Variants in ACTL6A observed in about 807,000 individuals in gnomAD.
ACTL6A encodes the protein actin-like protein 6A.
Under a neutral mutation model 59.2 loss-of-function variants are expected in ACTL6A, and 5 were observed. The observed-to-expected ratio is 0.08, with a 90% CI of 0.04 to 0.18. The LOEUF is 0.18. ACTL6A is among the 10% of genes least tolerant of loss of function. The pLI, the probability that ACTL6A is intolerant of heterozygous loss-of-function variation, is 1.00. For synonymous variants in ACTL6A, 154 were observed against 171.8 expected (o/e 0.90, Z 0.81); for missense variants, 285 against 526.9 (o/e 0.54, Z 4.49).
chr3:179,570,410 T>C lies in ACTL6A; in HGVS notation c.277+169T>C. 1.6e-6 allele frequency: 1 copy of C among 610,440 alleles called. No individual in the cohort carries two copies. The highest frequency in any genetic ancestry group is 2.7e-6 in the Non-Finnish European group (1 of 370,132). The allele number at this position is 610,440 out of a possible 1,614,324, so 37.8% of individuals were successfully genotyped here. Reference sequence around the variant, plus strand: ...TGAGAATACAAAGATGCATAAGAAATGTTCCTTTTCATTAAAAGCTTACAG... The same window carrying C: ...TGAGAATACAAAGATGCATAAGAAACGTTCCTTTTCATTAAAAGCTTACAG... On this transcript the variant is annotated intron_variant, in intron 3 of 13. Coordinates refer to ENST00000429709, the MANE Select transcript of ACTL6A (RefSeq NM_004301.5). This position sits in a 1 kb window ranked among gnomAD's most constrained non-coding sequence, Gnocchi z 4.3.
intron 8 of ACTL6A, among the ~76,000 whole-genome samples, chr3:179,578,521 G>A (rs1250919343): frequency 5.3e-5 from 8 of 152,162 alleles, no homozygotes; most frequent in Non-Finnish European, 7.3e-5. Context: ...GGGAGACTGA[G>A]GTGGGAGAAT....
intron 1 of ACTL6A, among the ~76,000 whole-genome samples, chr3:179,564,639 CTTAAA>C (rs979804562): frequency 1.3e-5 from 2 of 152,144 alleles, no homozygotes; most frequent in Admixed American, 6.5e-5. Context: ...AATTTAGAGT[CTTAAA>C]TTAAAATTCC....
chr3:179,586,360 C>T (rs970269988), intron 12 of ACTL6A, 186 bp from the exon 13 acceptor site: 5 of 443,634 alleles, frequency 1.1e-5, no homozygotes, highest in Non-Finnish European at 1.5e-5. Context: ...GCAAGTGGCT[C>T]ATGCATGTAA....
At position 179,565,450 on chromosome 3, in the gene ACTL6A, A is replaced by G. The variant is rs567966602; in HGVS notation, c.25+2333A>G. ...TATATATATGTGTGTTATATATGTTATATATATTACATATATGTTGTATAT... is the reference window on the plus strand; with the variant it reads ...TATATATATGTGTGTTATATATGTTGTATATATTACATATATGTTGTATAT... On this transcript the variant is annotated intron_variant, in intron 1 of 13. Transcript: ENST00000429709. Among the ~76,000 whole-genome samples the G allele has an allele frequency of 4.0e-5, 6 of 149,486 alleles. No homozygotes were observed. In the South Asian group the frequency reaches 8.4e-4, roughly 21 times the overall value.
chr3:179,578,893 G>A (rs746600263), intron 8 of ACTL6A, among the ~76,000 whole-genome samples: 1 of 152,092 alleles, frequency 6.6e-6, no homozygotes, highest in African/African-American at 2.4e-5. Context: ...AGCCTCCTGA[G>A]TAGCTGGGAC....
chr3:179,570,291 T>G lies in ACTL6A; in HGVS notation c.277+50T>G, dbSNP rs2108357021. 1 of 1,475,572 alleles carries G rather than the reference T, an allele frequency of 6.8e-7. No homozygotes were observed. Among genetic ancestry groups the G allele is most frequent in the East Asian group, 2.4e-5 (1 of 41,850 alleles). 91.4% of individuals were successfully genotyped at this position (1,475,572 alleles called of 1,614,324 possible). ...GATTATGGAGTGTACATGTTATATT[T>G]TAGATACAAAGTAGTAGCTTCCTAT... On this transcript the variant is annotated intron_variant, in intron 3 of 13. Coordinates refer to ENST00000429709, the MANE Select transcript of ACTL6A (RefSeq NM_004301.5). This position sits in a 1 kb window ranked among gnomAD's most constrained non-coding sequence, Gnocchi z 4.3.
chr3:179,587,583 T>C (rs1265992269), intron 13 of ACTL6A, among the ~76,000 whole-genome samples: 2 of 151,892 alleles, frequency 1.3e-5, no homozygotes, highest in Admixed American at 6.6e-5. Flanking sequence ...AAATAAGATA[T>C]TAAAAAAAAC....
In ACTL6A at chr3:179,575,893, T is replaced by A. The variant is rs539774686; in HGVS notation, c.477-324T>A. Among the ~76,000 whole-genome samples, 4 of 152,328 alleles carry A rather than the reference T, an allele frequency of 2.6e-5. No individual in the cohort carries two copies. The East Asian group carries it at 7.7e-4, about 29-fold the overall frequency. On this transcript the variant is annotated intron_variant, in intron 5 of 13. Transcript: ENST00000429709. ...ATTTTGTTAAATAAATGCATCTCAG[T>A]TTGTTGTAAGCTCTTTGATCAGTCT...
chr3:179,587,180 C>T (rs1014908921), intron 13 of ACTL6A, among the ~76,000 whole-genome samples: 28 of 151,942 alleles, frequency 1.8e-4, no homozygotes, highest in African/African-American at 6.8e-4. Flanking sequence ...TATATCTATA[C>T]TGTATATATA....
rs968234811 is a variant in ACTL6A at position 179,575,432 on chromosome 3, G to T, written c.477-785G>T. Reference sequence around the variant, plus strand: ...ATTCATCATCTACTTCACTAAACAGGATAACCTTCAGGGAAAAGGCAGTTT... The same window carrying T: ...ATTCATCATCTACTTCACTAAACAGTATAACCTTCAGGGAAAAGGCAGTTT... On this transcript the variant is annotated intron_variant, in intron 5 of 13. Transcript: ENST00000429709. 3 of 456,498 alleles carry T rather than the reference G, an allele frequency of 6.6e-6. No individual in the cohort carries two copies. The Admixed American group carries it at 7.1e-5, about 11-fold the overall frequency. 28.3% of individuals were successfully genotyped at this position (456,498 alleles called of 1,614,324 possible).
intron 13 of ACTL6A, 36 bp from the exon 14 acceptor site, chr3:179,587,894 A>C (rs747408186): frequency 1.4e-5 from 22 of 1,550,430 alleles, no homozygotes; most frequent in Non-Finnish European, 1.7e-6. Flanking sequence ...AGTAAGAAGT[A>C]AGGCATAATT....
At chr3:179,581,053 G>A (rs761334830) in intron 10 of ACTL6A, 45 bp downstream of exon 10, 3 of 1,600,408 alleles carry the variant, frequency 1.9e-6, no homozygotes, top group Admixed American at 1.7e-5. Flanking sequence ...TCCTATATAG[G>A]TAAAGAGCTT....
At position 179,570,918 on chromosome 3, in the gene ACTL6A, G is replaced by A. The variant is rs1276448956; in HGVS notation, c.277+677G>A. ...AGAGTCCAGATGAGAAATGAAAAAG[G>A]TTTAAACTATTATATAATGCTGGTA... is the stretch of plus-strand genomic sequence containing the variant. On this transcript the variant is annotated intron_variant, in intron 3 of 13. Transcript: ENST00000429709. This position sits in a 1 kb window ranked among gnomAD's most constrained non-coding sequence, Gnocchi z 4.3. 1.3e-5 allele frequency among the ~76,000 whole-genome samples: 2 copies of A among 152,172 alleles called. No homozygotes were observed. Among genetic ancestry groups the A allele is most frequent in the Non-Finnish European group, 2.9e-5 (2 of 68,026 alleles).
chr3:179,580,568 AAT>A (rs1341321568), intron 8 of ACTL6A, 70 bp from the exon 9 acceptor site: 2 of 1,085,200 alleles, frequency 1.8e-6, no homozygotes, highest in South Asian at 1.5e-5. Context: ...AAGTATTTAA[AAT>A]ATGTTATAAA....
At chr3:179,579,645 G>C (rs1473594849) in intron 8 of ACTL6A, among the ~76,000 whole-genome samples, 3 of 152,116 alleles carry the variant, frequency 2.0e-5, no homozygotes, top group Admixed American at 6.5e-5. Context: ...AAAATTAGCT[G>C]GGTTTGGTGC....
In ACTL6A at chr3:179,570,417, T is replaced by C; in HGVS notation, c.277+176T>C. ...ACAAAGATGCATAAGAAATGTTCCTTTTCATTAAAAGCTTACAGTTAGTTG... is the reference window on the plus strand; with the variant it reads ...ACAAAGATGCATAAGAAATGTTCCTCTTCATTAAAAGCTTACAGTTAGTTG... On this transcript the variant is annotated intron_variant, in intron 3 of 13. Transcript: ENST00000429709. The surrounding 1 kb of genome is among the most constrained non-coding windows in gnomAD (Gnocchi z 4.3). 1.7e-6 allele frequency: 1 copy of C among 587,174 alleles called. No individual in the cohort carries two copies. The highest frequency in any genetic ancestry group is 3.1e-5 in the East Asian group (1 of 32,362). The allele number at this position is 587,174 out of a possible 1,614,324, so 36.4% of individuals were successfully genotyped here. A position where few individuals can be genotyped will look rare whatever the true frequency, so the allele number is the denominator to read the frequency against.
intron 8 of ACTL6A, among the ~76,000 whole-genome samples, chr3:179,580,282 T>A (rs1293874557): frequency 6.6e-6 from 1 of 152,232 alleles, no homozygotes; most frequent in African/African-American, 2.4e-5. Context: ...CATGTGTATA[T>A]GTAGGTAATG....
At chr3:179,577,037 A>AT (rs1160486395) in intron 8 of ACTL6A, 124 bp downstream of exon 8, 24 of 599,874 alleles carry the variant, frequency 4.0e-5, no homozygotes, top group South Asian at 5.9e-5. Context: ...CAAGCTCTTT[A>AT]TTTTTTTTAT....
chr3:179,582,514 A>C (rs1718366913), intron 11 of ACTL6A, among the ~76,000 whole-genome samples: 1 of 152,262 alleles, frequency 6.6e-6, no homozygotes, highest in African/African-American at 2.4e-5. Flanking sequence ...AAAAGAGAAA[A>C]GTAGCAATAA....
Sources: allele counts gnomAD v4.1 joint callset (sites outside exome capture counted in the v4.1 genomes callset), GRCh38; gene constraint gnomAD v4.1.1; non-coding constraint Gnocchi (gnomAD v3.1); transcripts MANE v1.5; gene names NCBI Gene and HGNC (gene_info 2026-07-23, HGNC 2026-07-21).